ANTXR1: variants seen among roughly 807,000 people sequenced by gnomAD.
ANTXR1 encodes the protein ANTXR cell adhesion molecule 1.
In ANTXR1, 19 loss-of-function variants were observed where a neutral mutation model predicts 78.1. That is an observed-to-expected ratio of 0.24 (90% CI 0.17 to 0.36). ANTXR1 has a LOEUF of 0.36. ANTXR1 is among the 10% of genes least tolerant of loss of function. ANTXR1 has a pLI of 1.00. For missense variants in ANTXR1, 518 were observed against 718.6 expected (o/e 0.72, Z 3.19); for synonymous variants, 273 against 260.5 (o/e 1.05, Z -0.46).
intron 9 of ANTXR1, among the ~76,000 whole-genome samples, chr2:69,095,932 G>A (rs1671384342): frequency 6.6e-6 from 1 of 152,098 alleles, no homozygotes; most frequent in Non-Finnish European, 1.5e-5. Flanking sequence ...ACTGGGGAGA[G>A]GGAATGGAGA....
chr2:69,139,169 T>C (rs1412092806), intron 12 of ANTXR1, among the ~76,000 whole-genome samples: 2 of 152,258 alleles, frequency 1.3e-5, no homozygotes, highest in Non-Finnish European at 2.9e-5. Flanking sequence ...GTGCCTTTGA[T>C]CACATTTCAT....
At position 69,070,558 on chromosome 2, in the gene ANTXR1, C is replaced by G; in HGVS notation, c.297-89C>G. On this transcript the variant is annotated intron_variant, in intron 3 of 17. Transcript: ENST00000303714. ...TACTGGGACTAGACAGCAGTATCCA[C>G]AGAGGTAAGAAGAAGACTAGTACTT... The G allele has an allele frequency of 2.5e-6, 3 of 1,211,818 alleles. No individual in the cohort carries two copies. The South Asian group carries it at 3.6e-5, about 15-fold the overall frequency. 75.1% of individuals were successfully genotyped at this position (1,211,818 alleles called of 1,614,324 possible).
chr2:69,118,868 C>A (rs964038270), intron 10 of ANTXR1, among the ~76,000 whole-genome samples: 2 of 152,122 alleles, frequency 1.3e-5, no homozygotes, highest in East Asian at 3.9e-4. Flanking sequence ...AAAAGTCACT[C>A]ATTTTTGTGG....
At chr2:69,093,867 T>G (rs1180363749) in intron 9 of ANTXR1, among the ~76,000 whole-genome samples, 1 of 152,196 alleles carries the variant, frequency 6.6e-6, no homozygotes, top group East Asian at 1.9e-4. Flanking sequence ...TATCTTTATT[T>G]CTTATAGAGA....
chr2:69,116,129 C>G (rs1672136666), intron 10 of ANTXR1, among the ~76,000 whole-genome samples: 2 of 152,218 alleles, frequency 1.3e-5, no homozygotes, highest in African/African-American at 4.8e-5. Flanking sequence ...TGTCTTCTAT[C>G]AAAAGCTTGT....
intron 1 of ANTXR1, among the ~76,000 whole-genome samples, chr2:69,017,226 A>G (rs1391301815): frequency 6.6e-6 from 1 of 152,156 alleles, no homozygotes; most frequent in Non-Finnish European, 1.5e-5. Context: ...GGTGGTCGCT[A>G]AAGACATGAT....
intron 17 of ANTXR1, among the ~76,000 whole-genome samples, chr2:69,198,965 AG>A (rs1674717374): frequency 6.6e-6 from 1 of 152,262 alleles, no homozygotes; most frequent in South Asian, 2.1e-4. Context: ...GAACAGAGCT[AG>A]CCCCATAGGT....
intron 1 of ANTXR1, among the ~76,000 whole-genome samples, chr2:69,021,143 T>C (rs1051835258): frequency 2.6e-5 from 4 of 152,210 alleles, no homozygotes; most frequent in African/African-American, 7.2e-5. Context: ...GTAAACACTT[T>C]GCCTGTATGA....
At chr2:69,132,033 G>C (rs888189266) in intron 12 of ANTXR1, among the ~76,000 whole-genome samples, 2 of 152,164 alleles carry the variant, frequency 1.3e-5, no homozygotes, top group Non-Finnish European at 2.9e-5. Flanking sequence ...ATTCTGGGCA[G>C]GCCTCTAGTC....
intron 3 of ANTXR1, among the ~76,000 whole-genome samples, chr2:69,063,847 G>A (rs1246081393): frequency 1.3e-5 from 2 of 151,994 alleles, no homozygotes; most frequent in African/African-American, 2.4e-5. Flanking sequence ...ATAGTAGCTT[G>A]TGATAAAATA....
chr2:69,245,387 A>G lies in ANTXR1; in HGVS notation c.1597A>G (p.Ile533Val). 2 of 669,164 alleles carry G rather than the reference A, an allele frequency of 3.0e-6. No individual in the cohort carries two copies. The highest frequency in any genetic ancestry group is 4.2e-6 in the Non-Finnish European group (2 of 475,264). 41.5% of individuals were successfully genotyped at this position (669,164 alleles called of 1,614,324 possible). ...PPPPSAPTPP[I>V]PSPPSTLPPP... ...GCCCCCCAGCGCCCCTACCCCTCCC[A>G]TCCCGTCCCCACCTTCCACCCTTCC... The change falls in exon 18 of 18, where the codon ATC (isoleucine) becomes GTC (valine). Residue 533 changes from isoleucine to valine, a missense_variant. Ile to Val is a conservative substitution (Grantham distance 29). Around this residue, in one of 5 missense-constraint regions of ANTXR1, gnomAD observed 192 missense variants for 230.2 expected, o/e 0.83. Coordinates refer to ENST00000303714, the MANE Select transcript of ANTXR1 (RefSeq NM_032208.3).
intron 16 of ANTXR1, among the ~76,000 whole-genome samples, chr2:69,190,785 G>C (rs1045511214): frequency 2.0e-5 from 3 of 152,082 alleles, no homozygotes; most frequent in Admixed American, 2.0e-4. Context: ...TCATTCTCCT[G>C]GTATTATACA....
chr2:69,242,108 G>A (rs1055088738), intron 17 of ANTXR1, among the ~76,000 whole-genome samples: 13 of 152,122 alleles, frequency 8.5e-5, no homozygotes, highest in Non-Finnish European at 1.6e-4. Flanking sequence ...TCTGGATTAG[G>A]TGACCCATGG....
intron 9 of ANTXR1, among the ~76,000 whole-genome samples, chr2:69,098,164 G>A (rs1300854987): frequency 6.6e-6 from 1 of 152,140 alleles, no homozygotes; most frequent in East Asian, 1.9e-4. Flanking sequence ...TCACTGTCTT[G>A]ACTGTGGTAT....
chr2:69,102,409 G>A (rs1034361811), intron 9 of ANTXR1, among the ~76,000 whole-genome samples: 2 of 152,252 alleles, frequency 1.3e-5, no homozygotes, highest in Non-Finnish European at 2.9e-5. Flanking sequence ...AATCCTTTCA[G>A]GGGAGTACAA....
intron 17 of ANTXR1, among the ~76,000 whole-genome samples, chr2:69,207,665 G>C (rs932296326): frequency 2.6e-5 from 4 of 152,142 alleles, no homozygotes; most frequent in Non-Finnish European, 5.9e-5. Flanking sequence ...TAGGCAACTT[G>C]GTAGTGAAGC....
chr2:69,235,181 G>A (rs1407126253), intron 17 of ANTXR1, among the ~76,000 whole-genome samples: 6 of 151,752 alleles, frequency 4.0e-5, no homozygotes, highest in Non-Finnish European at 7.4e-5. Context: ...GTGCCACCAC[G>A]CCCAGCTAAT....
intron 4 of ANTXR1, 81 bp downstream of exon 4, chr2:69,070,809 C>T (rs1050090007): frequency 7.4e-7 from 1 of 1,347,020 alleles, no homozygotes; most frequent in East Asian, 2.3e-5. Context: ...AGATAAGGCA[C>T]TTATATTAAG....
chr2:69,021,780 G>A (rs1671198245), intron 1 of ANTXR1, among the ~76,000 whole-genome samples: 3 of 152,220 alleles, frequency 2.0e-5, no homozygotes. Flanking sequence ...GCTTGAATAA[G>A]CAAGAAAGAA....
Sources: allele counts gnomAD v4.1 joint callset (sites outside exome capture counted in the v4.1 genomes callset), GRCh38; gene constraint gnomAD v4.1.1; regional missense constraint gnomAD v4.1.1; transcripts MANE v1.5; gene names NCBI Gene and HGNC (gene_info 2026-07-23, HGNC 2026-07-21).